ZSWIM5: variants seen among roughly 807,000 people sequenced by gnomAD.
ZSWIM5 encodes zinc finger SWIM-type containing 5.
In ZSWIM5, 55 loss-of-function variants were observed where a neutral mutation model predicts 119.6. The observed-to-expected ratio is 0.46, with a 90% CI of 0.37 to 0.58. ZSWIM5 has a LOEUF of 0.58. ZSWIM5 is among the 20% of genes least tolerant of loss of function. The pLI is 0.00. For synonymous variants in ZSWIM5, 537 were observed against 606.9 expected (o/e 0.88, Z 1.69); for missense variants, 1,193 against 1,512.8 (o/e 0.79, Z 3.51).
chr1:45,094,037 A>C (rs1386016852), intron 1 of ZSWIM5, among the ~76,000 whole-genome samples: 2 of 144,796 alleles, frequency 1.4e-5, no homozygotes, highest in African/African-American at 5.1e-5. Flanking sequence ...TTATTTATTT[A>C]TTTATTTATT....
chr1:45,110,612 GACC>G (rs1645510673), intron 1 of ZSWIM5, among the ~76,000 whole-genome samples: 1 of 152,118 alleles, frequency 6.6e-6, no homozygotes. Flanking sequence ...AAAAGTCTTG[GACC>G]ACACAGTAGA....
intron 11 of ZSWIM5, among the ~76,000 whole-genome samples, chr1:45,030,798 CTTT>C (rs56045429): frequency 1.5e-5 from 2 of 133,090 alleles, no homozygotes; most frequent in African/African-American, 2.8e-5. Context: ...TTCATTCTTT[CTTT>C]TTTTTTTTTT....
chr1:45,164,734 T>A (rs1269353968), intron 1 of ZSWIM5, among the ~76,000 whole-genome samples: 3 of 152,058 alleles, frequency 2.0e-5, no homozygotes, highest in Non-Finnish European at 4.4e-5. Flanking sequence ...CATTACATAA[T>A]GGTAAAGGGA....
In ZSWIM5 at chr1:45,039,015, G is replaced by A. The variant is rs370621832; in HGVS notation, c.1815C>T (p.Pro605=). The change falls in exon 8 of 14, where the codon CCC becomes CCT. Residue 605 remains proline, a synonymous_variant. Coordinates refer to ENST00000359600, the MANE Select transcript of ZSWIM5 (RefSeq NM_020883.2). ...ITNLEGWVGH[P]LDPIDCLFLT... ...GAAACAGGCAGTCGATGGGATCCAG[G>A]GGGTGGCCCACCCAGCCCTCCAGGT... 3.7e-6 allele frequency: 6 copies of A among 1,614,122 alleles called. No homozygotes were observed. The highest frequency in any genetic ancestry group is 1.1e-5 in the South Asian group (1 of 91,082).
At chr1:45,194,478 G>A (rs1646110426) in intron 1 of ZSWIM5, among the ~76,000 whole-genome samples, 1 of 152,006 alleles carries the variant, frequency 6.6e-6, no homozygotes, top group African/African-American at 2.4e-5. Flanking sequence ...ATTAATATTT[G>A]GTAACATCTT....
chr1:45,120,327 A>C (rs1475213831), intron 1 of ZSWIM5, among the ~76,000 whole-genome samples: 3 of 152,170 alleles, frequency 2.0e-5, no homozygotes, highest in African/African-American at 4.8e-5. Context: ...CAGGGCGAAA[A>C]AACAACAACA....
chr1:45,059,157 A>T (rs1645139464), intron 3 of ZSWIM5, among the ~76,000 whole-genome samples: 1 of 152,228 alleles, frequency 6.6e-6, no homozygotes, highest in African/African-American at 2.4e-5. Flanking sequence ...AAAGAAATGA[A>T]AATATATGTC....
At chr1:45,085,524 G>GCTTGTT (rs1645321655) in intron 2 of ZSWIM5, among the ~76,000 whole-genome samples, 1 of 128,948 alleles carries the variant, frequency 7.8e-6, no homozygotes, top group African/African-American at 2.9e-5. Context: ...AGGTTAGTTT[G>GCTTGTT]TTTGTTTTTT....
At chr1:45,042,288 A>T (rs935288877) in intron 6 of ZSWIM5, among the ~76,000 whole-genome samples, 1 of 152,226 alleles carries the variant, frequency 6.6e-6, no homozygotes, top group Admixed American at 6.5e-5. Context: ...CCAGAAACTA[A>T]TTATCTTAAT....
intron 2 of ZSWIM5, among the ~76,000 whole-genome samples, chr1:45,079,369 G>A (rs1645275313): frequency 6.6e-6 from 1 of 152,092 alleles, no homozygotes; most frequent in Non-Finnish European, 1.5e-5. Context: ...CACTCTTCCT[G>A]CCCCTTTCCA....
intron 1 of ZSWIM5, among the ~76,000 whole-genome samples, chr1:45,197,294 TA>T (rs1354527293): frequency 6.6e-6 from 1 of 152,270 alleles, no homozygotes; most frequent in East Asian, 1.9e-4. Flanking sequence ...AGAGAACTTT[TA>T]TTCACAAACT....
In ZSWIM5 at chr1:45,036,254, G is replaced by A; in HGVS notation, c.1940C>T (p.Ala647Val). 1 of 1,614,068 alleles carries A rather than the reference G, an allele frequency of 6.2e-7. No homozygotes were observed. ...RPPVYQHVPVAAGSPNSSESY... is the reference protein window; with the variant it reads ...RPPVYQHVPVVAGSPNSSESY... ...CTCACTGCTGTTTGGGGAGCCTGCA[G>A]CCACAGGTACATGCTGGTACACAGG... The change falls in exon 9 of 14, where the codon GCT becomes GTT. Residue 647 changes from alanine to valine, a missense_variant. Transcript: ENST00000359600.
At chr1:45,052,125 C>G (rs1416929522) in intron 4 of ZSWIM5, among the ~76,000 whole-genome samples, 1 of 151,572 alleles carries the variant, frequency 6.6e-6, no homozygotes, top group South Asian at 2.1e-4. Flanking sequence ...GCCTCAGCGC[C>G]CCCCCTCGCA....
rs748251288 is a variant in ZSWIM5, at chr1:45,036,199, T to G, written c.1995A>C (p.Ala665=). 6.2e-7 allele frequency: 1 copy of G among 1,614,106 alleles called. No homozygotes were observed. Among genetic ancestry groups the G allele is most frequent in the South Asian group, 1.1e-5 (1 of 91,076 alleles). ...ACCTCTGTTGACCCAGGCCCATCAG[T>G]GCAACTTCCAGGGCCAATGACAGGT... is the stretch of plus-strand genomic sequence containing the variant. ...ESYLSLALEV[A]LMGLGQQRLM... Residue 665 remains alanine, a synonymous_variant, in exon 9 of 14, where the codon GCA becomes GCC. Transcript: ENST00000359600.
At chr1:45,118,130 A>G (rs928687802) in intron 1 of ZSWIM5, among the ~76,000 whole-genome samples, 4 of 152,132 alleles carry the variant, frequency 2.6e-5, no homozygotes, top group South Asian at 2.1e-4. Context: ...TTGTAAATCT[A>G]TAACTACCAC....
chr1:45,141,215 T>C lies in ZSWIM5; in HGVS notation c.596-52978A>G, dbSNP rs568623196. On this transcript the variant is annotated intron_variant, in intron 1 of 13. Transcript: ENST00000359600. ...AAAGGGAGACTTTCCTCTCTTTTGG[T>C]AGAGCAGTAGTTCTAAGAGGATGAG... 5.3e-5 allele frequency among the ~76,000 whole-genome samples: 8 copies of C among 152,330 alleles called. 1 individual carries two copies. In the South Asian group the frequency reaches 1.7e-3, roughly 32 times the overall value.
At chr1:45,036,354 CTTTT>C (rs34704739) in intron 8 of ZSWIM5, 55 bp from the exon 9 acceptor site, 3,881 of 1,263,764 alleles carry the variant, frequency 3.1e-3, no homozygotes, top group South Asian at 4.2e-3. Flanking sequence ...AGTCTTCTTT[CTTTT>C]TTTTTTTTTT....
At chr1:45,061,798 T>C (rs1369074384) in intron 2 of ZSWIM5, among the ~76,000 whole-genome samples, 1 of 150,490 alleles carries the variant, frequency 6.6e-6, no homozygotes, top group Non-Finnish European at 1.5e-5. Flanking sequence ...ACTTTTGAAA[T>C]ATACATTATT....
At chr1:45,148,886 A>AT (rs889465267) in intron 1 of ZSWIM5, among the ~76,000 whole-genome samples, 2 of 152,140 alleles carry the variant, frequency 1.3e-5, no homozygotes, top group African/African-American at 4.8e-5. Context: ...ATTCATACTA[A>AT]TTTTTTTCTT....
Sources: allele counts gnomAD v4.1 joint callset (sites outside exome capture counted in the v4.1 genomes callset), GRCh38; gene constraint gnomAD v4.1.1; transcripts MANE v1.5; gene names NCBI Gene and HGNC (gene_info 2026-07-23, HGNC 2026-07-21).